The following SLC1A1 variants were observed in gnomAD, a reference collection of about 807,000 sequenced individuals.
The protein encoded by SLC1A1 is solute carrier family 1 member 1.
In SLC1A1, 43 loss-of-function variants were observed where a neutral mutation model predicts 53.3. That is an observed-to-expected ratio of 0.81 (90% CI 0.63 to 1.04). SLC1A1 has a LOEUF of 1.04. Among genes scored for constraint, SLC1A1 ranks in the 50% least tolerant of loss-of-function variants. The pLI, the probability that SLC1A1 is intolerant of heterozygous loss-of-function variation, is 0.00. For synonymous variants in SLC1A1, 307 were observed against 243.2 expected, an observed-to-expected ratio of 1.26 and a Z score of -2.44; for missense variants, 748 against 664.9, an observed-to-expected ratio of 1.12 and a Z score of -1.37.
At chr9:4,497,791 T>C (rs1380639787) in intron 1 of SLC1A1, among the ~76,000 whole-genome samples, 3 of 152,216 alleles carry the variant, frequency 2.0e-5, no homozygotes, top group Non-Finnish European at 2.9e-5. Context: ...GTAATGAGAC[T>C]GACTCTTAAC....
chr9:4,558,988 G>A (rs1818683914), intron 2 of SLC1A1, among the ~76,000 whole-genome samples: 1 of 152,152 alleles, frequency 6.6e-6, no homozygotes. Context: ...AAATGAAACA[G>A]GCACATATTT....
In SLC1A1 at chr9:4,576,744, G is replaced by C. The variant is rs756604649; in HGVS notation, c.1174G>C (p.Gly392Arg). The C allele has an allele frequency of 6.2e-7, 1 of 1,614,026 alleles. No homozygotes were observed. Among genetic ancestry groups the C allele is most frequent in the Non-Finnish European group, 8.5e-7 (1 of 1,179,954 alleles). ...AQLNDLDLGI[G>R]QIITISITAT... Reference sequence around the variant, plus strand: ...GTTGAATGACCTGGACTTGGGCATTGGGCAGATCATCACCATCAGGTGGGG... The same window carrying C: ...GTTGAATGACCTGGACTTGGGCATTCGGCAGATCATCACCATCAGGTGGGG... Residue 392 changes from glycine (G) to arginine (R), a missense_variant, in exon 10 of 12, where the codon GGG becomes CGG. Transcript: ENST00000262352.
rs1312216619 is a variant in SLC1A1, at chr9:4,586,519, C to A, written c.*961C>A. 3.9e-5 allele frequency: 6 copies of A among 152,164 alleles called. No individual in the cohort carries two copies. Among genetic ancestry groups the A allele is most frequent in the Admixed American group, 1.3e-4 (2 of 15,278 alleles). The allele number at this position is 152,164 out of a possible 1,614,324, so 9.4% of individuals were successfully genotyped here. Reference sequence around the variant, plus strand: ...CAGATTTGAGCTGCCTGGAGGGAATCCATATCAGCTCTGCATAAGATTATA... The same window carrying A: ...CAGATTTGAGCTGCCTGGAGGGAATACATATCAGCTCTGCATAAGATTATA... On this transcript the variant is annotated 3_prime_UTR_variant, in exon 12 of 12. Transcript: ENST00000262352.
chr9:4,512,378 T>C (rs1821027464), intron 1 of SLC1A1, among the ~76,000 whole-genome samples: 2 of 151,872 alleles, frequency 1.3e-5, no homozygotes, highest in African/African-American at 4.8e-5. Flanking sequence ...CATGGTGGCA[T>C]GCGCCTGTAG....
At chr9:4,505,470 A>T (rs1162784146) in intron 1 of SLC1A1, among the ~76,000 whole-genome samples, 3 of 152,182 alleles carry the variant, frequency 2.0e-5, no homozygotes, top group Non-Finnish European at 4.4e-5. Context: ...GAAGGTTTAG[A>T]AATGAGCTCC....
At chr9:4,548,630 A>G (rs1438626165) in intron 2 of SLC1A1, among the ~76,000 whole-genome samples, 2 of 152,230 alleles carry the variant, frequency 1.3e-5, no homozygotes, top group Non-Finnish European at 2.9e-5. Context: ...CAAATTTACC[A>G]GGGAAATTTG....
intron 1 of SLC1A1, among the ~76,000 whole-genome samples, chr9:4,495,862 C>G (rs2130791150): frequency 1.3e-5 from 2 of 152,178 alleles, no homozygotes; most frequent in South Asian, 4.2e-4. Flanking sequence ...TGGCTATCTC[C>G]AGCAAAACAG....
intron 1 of SLC1A1, among the ~76,000 whole-genome samples, chr9:4,533,374 C>G (rs546241868): frequency 2.0e-5 from 3 of 151,886 alleles, no homozygotes; most frequent in Admixed American, 2.0e-4. Context: ...GGAAGATCTA[C>G]CAAGCAAATG....
intron 1 of SLC1A1, among the ~76,000 whole-genome samples, chr9:4,532,823 G>C (rs568109604): frequency 2.6e-5 from 4 of 152,206 alleles, no homozygotes; most frequent in African/African-American, 9.6e-5. Flanking sequence ...GAAAGGTCGG[G>C]TTACCCACAA....
chr9:4,585,186 C>A, intron 11 of SLC1A1, 126 bp from the exon 12 acceptor site: 1 of 1,274,428 alleles, frequency 7.8e-7, no homozygotes, highest in Non-Finnish European at 1.1e-6. Context: ...AGTCAGTCAG[C>A]CATGAGGACA....
chr9:4,543,571 C>T (rs1817198319), intron 1 of SLC1A1, among the ~76,000 whole-genome samples: 1 of 151,912 alleles, frequency 6.6e-6, no homozygotes. Context: ...AGAATGGTAA[C>T]ATTTCTTAAT....
chr9:4,533,943 C>T (rs1816574736), intron 1 of SLC1A1, among the ~76,000 whole-genome samples: 1 of 152,172 alleles, frequency 6.6e-6, no homozygotes, highest in Admixed American at 6.5e-5. Context: ...ACTGAACAAC[C>T]TGCTCCTGAA....
At chr9:4,544,744 A>G in intron 2 of SLC1A1, 37 bp downstream of exon 2, 1 of 1,541,418 alleles carries the variant, frequency 6.5e-7, no homozygotes, top group Non-Finnish European at 9.0e-7. Context: ...ATATTAGTCC[A>G]TTTTCATACT....
intron 1 of SLC1A1, among the ~76,000 whole-genome samples, chr9:4,512,186 T>A (rs1219200700): frequency 6.6e-6 from 1 of 152,180 alleles, no homozygotes; most frequent in Non-Finnish European, 1.5e-5. Context: ...CCAGCAGGGA[T>A]TTTTGTAGAT....
Position 4,567,763 on chromosome 9 carries a change from C to T in SLC1A1, c.578C>T (p.Ser193Phe), listed in dbSNP as rs368929720. The T allele has an allele frequency of 1.3e-5, 21 of 1,587,718 alleles. No individual in the cohort carries two copies. The African/African-American group carries it at 2.7e-4, about 20-fold the overall frequency. ...SFTAVMTTAISKNKTKEYKIV... is the reference protein window; with the variant it reads ...SFTAVMTTAIFKNKTKEYKIV... ...ACAGCTGTCATGACAACTGCAATTT[C>T]CAAGGTACCATTCTTATTTCCTGTT... is the stretch of plus-strand genomic sequence containing the variant. Residue 193 changes from serine to phenylalanine, a missense_variant, in exon 6 of 12, where the codon TCC (serine) becomes TTC (phenylalanine). Physicochemically the swap from Ser to Phe is radical, Grantham distance 155. Coordinates refer to ENST00000262352, the MANE Select transcript of SLC1A1 (RefSeq NM_004170.6).
intron 6 of SLC1A1, among the ~76,000 whole-genome samples, chr9:4,570,812 G>C (rs1017396209): frequency 2.6e-5 from 4 of 151,986 alleles, no homozygotes; most frequent in Admixed American, 2.6e-4. Context: ...GGGAGGCTGA[G>C]GTGAGAGGAT....
rs368368579 is a variant in SLC1A1, at chr9:4,573,903, C to T, written c.768-4C>T. 3 of 1,592,216 alleles carry T rather than the reference C, an allele frequency of 1.9e-6. No individual in the cohort carries two copies. Among genetic ancestry groups the T allele is most frequent in the South Asian group, 2.2e-5 (2 of 90,652 alleles). On this transcript the variant is annotated splice_region_variant and splice_polypyrimidine_tract_variant and intron_variant, in intron 7 of 11. Transcript: ENST00000262352. ...ATCACGCCTCTGTTGTGCTTCCTTT[C>T]CAGTTATATGCCACTAGGTATTTTG...
Position 4,514,018 on chromosome 9 carries a change from G to T in SLC1A1, c.91+23248G>T, listed in dbSNP as rs77654157. 3.3e-5 allele frequency among the ~76,000 whole-genome samples: 5 copies of T among 152,288 alleles called. No individual in the cohort carries two copies. In the East Asian group the frequency reaches 9.6e-4, roughly 29 times the overall value. On this transcript the variant is annotated intron_variant, in intron 1 of 11. Coordinates refer to ENST00000262352, the MANE Select transcript of SLC1A1 (RefSeq NM_004170.6). ...CATAGTGGTGGAAAACAGACTAGTG[G>T]TTGCTAGAGGTTAGGAATGGAGAAA...
chr9:4,547,541 T>C (rs1469079622), intron 2 of SLC1A1, among the ~76,000 whole-genome samples: 2 of 152,226 alleles, frequency 1.3e-5, no homozygotes, highest in African/African-American at 2.4e-5. Flanking sequence ...GGCACAGTTA[T>C]AGGAAAATAA....
Sources: allele counts gnomAD v4.1 joint callset (sites outside exome capture counted in the v4.1 genomes callset), GRCh38; gene constraint gnomAD v4.1.1; transcripts MANE v1.5; gene names NCBI Gene and HGNC (gene_info 2026-07-23, HGNC 2026-07-21).